The following ARCN1 variants were observed in gnomAD, a reference collection of about 807,000 sequenced individuals.
ARCN1 encodes archain 1 coat protein complex I subunit delta, also known as coatomer subunit delta.
A neutral mutation model predicts 60.4 loss-of-function variants in ARCN1; 5 were observed. That is an observed-to-expected ratio of 0.08 (90% CI 0.04 to 0.17). ARCN1 has a LOEUF of 0.17. Ranked by LOEUF, ARCN1 falls within the 10% of genes least tolerant of loss-of-function variation. The probability of loss-of-function intolerance (pLI) is 1.00; values close to 1 mark genes in which losing one functional copy is unlikely to be tolerated. For missense variants in ARCN1, 464 were observed against 626.5 expected, an observed-to-expected ratio of 0.74 and a Z score of 2.77; for synonymous variants, 224 against 220.0, an observed-to-expected ratio of 1.02 and a Z score of -0.16.
chr11:118,597,817 G>A lies in ARCN1; in HGVS notation c.1352G>A (p.Ser451Asn). The change falls in exon 9 of 10, where the codon AGT becomes AAT. Residue 451 changes from serine to asparagine, a missense_variant. By Grantham distance (46) the Ser-to-Asn change is conservative. Transcript: ENST00000264028. ...CLPVIDAKNK[S>N]GSLEFSIAGQ... ...CCTGTGATTGATGCCAAAAATAAGA[G>A]TGGCAGCCTGGAGTTTAGCATTGCT... 3 of 1,614,160 alleles carry A rather than the reference G, an allele frequency of 1.9e-6. No homozygotes were observed. Among genetic ancestry groups the A allele is most frequent in the Non-Finnish European group, 1.7e-6 (2 of 1,180,052 alleles).
In ARCN1 at chr11:118,583,363, A is replaced by G; in HGVS notation, c.447+5A>G. Reference sequence around the variant, plus strand: ...GTGTTCAGAGCCGTCAGAGAGGTAAATAGGATCTTCTCTGGGACTACCTGT... The same window carrying G: ...GTGTTCAGAGCCGTCAGAGAGGTAAGTAGGATCTTCTCTGGGACTACCTGT... On this transcript the variant is annotated splice_donor_5th_base_variant and intron_variant, in intron 3 of 9. Transcript: ENST00000264028. 1 of 1,603,842 alleles carries G rather than the reference A, an allele frequency of 6.2e-7. No homozygotes were observed. The highest frequency in any genetic ancestry group is 8.5e-7 in the Non-Finnish European group (1 of 1,175,652).
intron 1 of ARCN1, among the ~76,000 whole-genome samples, chr11:118,580,398 A>G (rs1938623839): frequency 6.6e-6 from 1 of 152,230 alleles, no homozygotes; most frequent in South Asian, 2.1e-4. Flanking sequence ...TGTTAGTACT[A>G]CATGCAAAAC....
At chr11:118,572,658 G>A (rs1191680953) in intron 1 of ARCN1, 108 bp downstream of exon 1, 2 of 1,435,040 alleles carry the variant, frequency 1.4e-6, no homozygotes, top group Non-Finnish European at 1.9e-6. Flanking sequence ...AGGGTCTAGG[G>A]CAGAGTGCTT....
chr11:118,584,082 C>G, intron 4 of ARCN1, 68 bp downstream of exon 4: 1 of 1,453,976 alleles, frequency 6.9e-7, no homozygotes, highest in Non-Finnish European at 9.4e-7. Context: ...AAGTCATAAT[C>G]TGATTTCTTG....
At position 118,583,223 on chromosome 11, in the gene ARCN1, G is replaced by A. The variant is rs1355164713; in HGVS notation, c.312G>A (p.Glu104=). Reference sequence around the variant, plus strand: ...CCTTAGAAGAGAATGAAATATCTGAGCACTGTTTTGATTTGATTTTTGCTT... The same window carrying A: ...CCTTAGAAGAGAATGAAATATCTGAACACTGTTTTGATTTGATTTTTGCTT... The part of the protein sequence containing the change: ...CRALEENEIS[E]HCFDLIFAFD... Residue 104 remains glutamate, a synonymous_variant, in exon 3 of 10, where the codon GAG becomes GAA. Transcript: ENST00000264028. The A allele has an allele frequency of 6.8e-6, 11 of 1,614,030 alleles. No individual in the cohort carries two copies. Among genetic ancestry groups the A allele is most frequent in the Non-Finnish European group, 9.3e-6 (11 of 1,180,032 alleles).
At chr11:118,578,222 A>G (rs893420649) in intron 1 of ARCN1, among the ~76,000 whole-genome samples, 77 of 151,910 alleles carry the variant, frequency 5.1e-4, no homozygotes, top group African/African-American at 1.7e-3. Context: ...TAAAGTGGAT[A>G]GTAACATACA....
At chr11:118,594,643 A>C (rs1294050848) in intron 8 of ARCN1, among the ~76,000 whole-genome samples, 6 of 152,072 alleles carry the variant, frequency 3.9e-5, no homozygotes, top group Non-Finnish European at 8.8e-5. Context: ...TCCACCACCT[A>C]GGTTCAAGTG....
chr11:118,593,361 A>G (rs1283768576), intron 7 of ARCN1, among the ~76,000 whole-genome samples: 1 of 148,782 alleles, frequency 6.7e-6, no homozygotes, highest in Non-Finnish European at 1.5e-5. Flanking sequence ...CTGAGTAGCT[A>G]GGAGAACAGG....
intron 8 of ARCN1, among the ~76,000 whole-genome samples, chr11:118,594,602 T>C (rs183263317): frequency 5.7e-4 from 87 of 152,058 alleles, no homozygotes; most frequent in African/African-American, 2.0e-3. Flanking sequence ...CAGGCTGGAG[T>C]GCAATGATGT....
intron 8 of ARCN1, among the ~76,000 whole-genome samples, chr11:118,597,360 G>A (rs2135556186): frequency 6.6e-6 from 1 of 152,250 alleles, no homozygotes; most frequent in Middle Eastern, 3.4e-3. Context: ...CTTATTTATA[G>A]GGCAGCAACC....
chr11:118,584,351 C>A, intron 4 of ARCN1, 129 bp from the exon 5 acceptor site: 1 of 837,574 alleles, frequency 1.2e-6, no homozygotes, highest in Non-Finnish European at 1.8e-6. Flanking sequence ...CTGTGAATTA[C>A]CCAAAATTAT....
chr11:118,585,972 C>T (rs1242000573), intron 5 of ARCN1, among the ~76,000 whole-genome samples: 4 of 152,190 alleles, frequency 2.6e-5, no homozygotes, highest in African/African-American at 4.8e-5. Context: ...TCAGATTTCT[C>T]GTCTTGAAGC....
At chr11:118,595,262 T>G (rs961276132) in intron 8 of ARCN1, among the ~76,000 whole-genome samples, 14 of 152,226 alleles carry the variant, frequency 9.2e-5, no homozygotes, top group Non-Finnish European at 1.5e-4. Flanking sequence ...TCAAAGAAAT[T>G]GAGTCTATCG....
chr11:118,588,970 A>G (rs561048702), intron 5 of ARCN1, among the ~76,000 whole-genome samples: 1 of 150,776 alleles, frequency 6.6e-6, no homozygotes, highest in Admixed American at 6.6e-5. Context: ...GTGAGCCGAG[A>G]TCACGCCATT....
intron 9 of ARCN1, among the ~76,000 whole-genome samples, chr11:118,598,955 G>C (rs1028394807): frequency 1.3e-4 from 19 of 149,372 alleles, no homozygotes; most frequent in African/African-American, 4.7e-4. Flanking sequence ...CACCATGCCT[G>C]GCTAATTTTT....
chr11:118,577,252 C>CTTT (rs542792348), intron 1 of ARCN1, among the ~76,000 whole-genome samples: 4 of 145,586 alleles, frequency 2.7e-5, no homozygotes, highest in Non-Finnish European at 4.6e-5. Context: ...TTCTTTCTTT[C>CTTT]TTTTTTTTTT....
intron 1 of ARCN1, among the ~76,000 whole-genome samples, chr11:118,573,230 G>A (rs1423857052): frequency 3.9e-5 from 6 of 152,146 alleles, no homozygotes; most frequent in Non-Finnish European, 8.8e-5. Context: ...ATGTGAGCAG[G>A]TTCCAGAGAA....
chr11:118,591,616 C>A (rs992699496), intron 6 of ARCN1, among the ~76,000 whole-genome samples: 2 of 152,034 alleles, frequency 1.3e-5, no homozygotes, highest in Non-Finnish European at 2.9e-5. Flanking sequence ...TGGTCTCGAA[C>A]TCTTGACCTC....
intron 2 of ARCN1, among the ~76,000 whole-genome samples, chr11:118,582,698 A>C (rs1168724126): frequency 1.5e-3 from 195 of 131,980 alleles, no homozygotes; most frequent in African/African-American, 4.5e-3. Flanking sequence ...TGCACTCCAG[A>C]CCGGGTGACA....
Sources: allele counts gnomAD v4.1 joint callset (sites outside exome capture counted in the v4.1 genomes callset), GRCh38; gene constraint gnomAD v4.1.1; transcripts MANE v1.5; gene names NCBI Gene and HGNC (gene_info 2026-07-23, HGNC 2026-07-21).